LIMCH1: variants seen among roughly 807,000 people sequenced by gnomAD.
LIMCH1 encodes the protein LIM and calponin homology domains 1, also known as LIM and calponin homology domains-containing protein 1.
A neutral mutation model predicts 176.5 loss-of-function variants in LIMCH1; 113 were observed. The ratio of observed to expected loss-of-function variants is 0.64; its 90% CI spans 0.55 to 0.75. LIMCH1 has a LOEUF of 0.75. Ranked by LOEUF, LIMCH1 falls within the 30% of genes least tolerant of loss-of-function variation. The pLI is 0.00. For synonymous variants in LIMCH1, 619 were observed against 645.9 expected (o/e 0.96, Z 0.63); for missense variants, 1,674 against 1,814.9 (o/e 0.92, Z 1.41).
At chr4:41,415,399 T>G (rs1408088369) in intron 1 of LIMCH1, among the ~76,000 whole-genome samples, 1 of 152,064 alleles carries the variant, frequency 6.6e-6, no homozygotes, top group African/African-American at 2.4e-5. Flanking sequence ...TTCCATCCCC[T>G]CTCTTGCCCC....
intron 1 of LIMCH1, among the ~76,000 whole-genome samples, chr4:41,379,181 G>A (rs370067628): frequency 2.0e-5 from 3 of 152,158 alleles, no homozygotes; most frequent in African/African-American, 7.2e-5. Context: ...TTGCAAACAA[G>A]ATGTTGGCTG....
chr4:41,507,932 A>G (rs1463492268), intron 2 of LIMCH1, among the ~76,000 whole-genome samples: 1 of 152,160 alleles, frequency 6.6e-6, no homozygotes, highest in Non-Finnish European at 1.5e-5. Context: ...GATTCCCTTC[A>G]AGAAGCACAT....
chr4:41,527,908 T>C (rs1395769344), intron 3 of LIMCH1, among the ~76,000 whole-genome samples: 4 of 149,708 alleles, frequency 2.7e-5, no homozygotes, highest in African/African-American at 9.9e-5. Context: ...TAAGGAAATA[T>C]GACAGCCTCA....
chr4:41,481,849 G>GTTT (rs566544376), intron 1 of LIMCH1, among the ~76,000 whole-genome samples: 43 of 141,808 alleles, frequency 3.0e-4, no homozygotes, highest in African/African-American at 1.0e-3. Context: ...TGAAATAGTT[G>GTTT]TTTTTTTTTT....
rs554566727 is a variant in LIMCH1 at position 41,531,361 on chromosome 4, A to T, written c.237+6883A>T. Among the ~76,000 whole-genome samples, 4 of 152,090 alleles carry T rather than the reference A, an allele frequency of 2.6e-5. No individual in the cohort carries two copies. In the East Asian group the frequency reaches 5.8e-4, roughly 22 times the overall value. Reference sequence around the variant, plus strand: ...ACCTAACAAGTGATCATAGGAAAGCATTAGAATTCTTTACTGGAGTCTTAA... The same window carrying T: ...ACCTAACAAGTGATCATAGGAAAGCTTTAGAATTCTTTACTGGAGTCTTAA... On this transcript the variant is annotated intron_variant, in intron 3 of 26. Transcript: ENST00000313860.
chr4:41,412,979 A>G (rs1467854998), intron 1 of LIMCH1, among the ~76,000 whole-genome samples: 2 of 152,218 alleles, frequency 1.3e-5, no homozygotes, highest in Admixed American at 6.5e-5. Context: ...GGAGATCCTC[A>G]TAGCTAAAGG....
At chr4:41,649,147 G>T (rs2094187355) in intron 17 of LIMCH1, among the ~76,000 whole-genome samples, 1 of 152,086 alleles carries the variant, frequency 6.6e-6, no homozygotes, top group African/African-American at 2.4e-5. Context: ...CACCTGTAAT[G>T]CCAGCACTTT....
chr4:41,642,700 A>G lies in LIMCH1; in HGVS notation c.2127-1800A>G, dbSNP rs1043959608. On this transcript the variant is annotated intron_variant, in intron 14 of 31. Transcript: ENST00000503057. ...CAACCTCCCTAGTAGCTGGGACTAT[A>G]GGCGTGTGCTAGCATGCCTAATTTT... 4.7e-5 allele frequency among the ~76,000 whole-genome samples: 7 copies of G among 149,956 alleles called. No individual in the cohort carries two copies. The South Asian group carries it at 1.5e-3, about 32-fold the overall frequency.
chr4:41,390,337 T>C (rs537915222), intron 1 of LIMCH1, among the ~76,000 whole-genome samples: 35 of 152,206 alleles, frequency 2.3e-4, no homozygotes, highest in South Asian at 8.3e-4. Flanking sequence ...AGTACAGTTT[T>C]CTTTATCTTG....
chr4:41,601,119 T>G (rs2089844955), intron 2 of LIMCH1, among the ~76,000 whole-genome samples: 1 of 152,212 alleles, frequency 6.6e-6, no homozygotes, highest in African/African-American at 2.4e-5. Flanking sequence ...TTTTCATTCA[T>G]TCATTCAACA....
At chr4:41,421,004 C>T (rs1419760903) in intron 1 of LIMCH1, among the ~76,000 whole-genome samples, 2 of 152,168 alleles carry the variant, frequency 1.3e-5, no homozygotes, top group Admixed American at 6.5e-5. Context: ...AGCGTGTACA[C>T]CTTGACCTGG....
chr4:41,415,894 T>C (rs2059887664), intron 1 of LIMCH1, among the ~76,000 whole-genome samples: 1 of 151,982 alleles, frequency 6.6e-6, no homozygotes, highest in African/African-American at 2.4e-5. Context: ...GGAGAATCGC[T>C]TGAACCCGGG....
At position 41,675,903 on chromosome 4, in the gene LIMCH1, C is replaced by T. The variant is rs191739268; in HGVS notation, c.3439-479C>T. ...GTGAGCATTGGTGAGTTAAACAACC[C>T]ACTGTAGGGAAAAGTGGTATGGAAA... On this transcript the variant is annotated intron_variant, in intron 22 of 31. Transcript: ENST00000503057. Among the ~76,000 whole-genome samples, 3 of 152,284 alleles carry T rather than the reference C, an allele frequency of 2.0e-5. No individual in the cohort carries two copies. The East Asian group carries it at 5.8e-4, about 29-fold the overall frequency.
chr4:41,496,673 G>C (rs1363428677), intron 2 of LIMCH1, among the ~76,000 whole-genome samples: 1 of 152,188 alleles, frequency 6.6e-6, no homozygotes, highest in Admixed American at 6.5e-5. Flanking sequence ...CTATTAGGCT[G>C]CTACAGACTG....
chr4:41,577,611 G>T (rs1311709606), intron 1 of LIMCH1, among the ~76,000 whole-genome samples: 2 of 151,936 alleles, frequency 1.3e-5, no homozygotes, highest in Non-Finnish European at 2.9e-5. Flanking sequence ...AAAATTTTTT[G>T]TAGAGATGGG....
intron 1 of LIMCH1, among the ~76,000 whole-genome samples, chr4:41,415,255 T>C (rs989749890): frequency 6.6e-6 from 1 of 152,184 alleles, no homozygotes; most frequent in African/African-American, 2.4e-5. Flanking sequence ...ACATATTAAC[T>C]TTTGTCCTTT....
intron 1 of LIMCH1, among the ~76,000 whole-genome samples, chr4:41,383,048 C>T (rs928057343): frequency 6.6e-6 from 1 of 152,234 alleles, no homozygotes; most frequent in African/African-American, 2.4e-5. Flanking sequence ...GCTTCAGCCT[C>T]CCAAAGTGTT....
At chr4:41,558,124 G>A (rs1252892476) in intron 1 of LIMCH1, among the ~76,000 whole-genome samples, 1 of 152,004 alleles carries the variant, frequency 6.6e-6, no homozygotes, top group Non-Finnish European at 1.5e-5. Context: ...GTATACATCA[G>A]CCCAAGTAGC....
At chr4:41,379,779 T>C (rs144472852) in intron 1 of LIMCH1, among the ~76,000 whole-genome samples, 62 of 152,234 alleles carry the variant, frequency 4.1e-4, no homozygotes, top group African/African-American at 1.4e-3. Flanking sequence ...ATAGGTCTAG[T>C]ATTTTATTTA....
Sources: gnomAD v4.1 joint callset for allele counts (sites outside exome capture counted in the v4.1 genomes callset) on GRCh38, gnomAD v4.1.1 for gene constraint, MANE v1.5 for transcripts, NCBI Gene and HGNC (gene_info 2026-07-23, HGNC 2026-07-21) for gene names.